Variants in SFXN5 observed in about 807,000 individuals in gnomAD.
SFXN5 encodes the protein sideroflexin-5.
SFXN5 carries 43 observed loss-of-function variants against 50.2 expected under a neutral mutation model. The observed-to-expected ratio is 0.86, with a 90% confidence interval of 0.67 to 1.11. The LOEUF is 1.11. Ranked by LOEUF, SFXN5 falls within the 50% of genes least tolerant of loss-of-function variation. SFXN5 has a pLI of 0.00. For synonymous variants in SFXN5, 203 were observed against 185.8 expected, an observed-to-expected ratio of 1.09 and a Z score of -0.75; for missense variants, 463 against 454.1, an observed-to-expected ratio of 1.02 and a Z score of -0.18.
At chr2:73,041,647 A>G (rs183401326) in intron 2 of SFXN5, 16 of 424,336 alleles carry the variant, frequency 3.8e-5, no homozygotes, top group African/African-American at 2.7e-4. Flanking sequence ...CCTGGGGGAC[A>G]GTGCAAGACT....
At chr2:73,024,289 T>A (rs2105846174) in intron 3 of SFXN5, among the ~76,000 whole-genome samples, 1 of 152,278 alleles carries the variant, frequency 6.6e-6, no homozygotes, top group South Asian at 2.1e-4. Context: ...CCCAAGGTGC[T>A]GAGATTACAG....
intron 10 of SFXN5, among the ~76,000 whole-genome samples, chr2:72,979,978 T>C (rs1424714979): frequency 6.6e-6 from 1 of 152,178 alleles, no homozygotes; most frequent in Non-Finnish European, 1.5e-5. Context: ...AATAGAGCCA[T>C]TTTCATTAAA....
intron 1 of SFXN5, 43 bp from the exon 2 acceptor site, chr2:73,058,639 T>G: frequency 1.3e-6 from 2 of 1,576,208 alleles, no homozygotes; most frequent in Non-Finnish European, 1.7e-6. Context: ...GATCAGCTGC[T>G]GCACACCCTT....
intron 11 of SFXN5, among the ~76,000 whole-genome samples, chr2:72,969,964 AGCC>A: frequency 6.6e-6 from 1 of 152,078 alleles, no homozygotes; most frequent in Non-Finnish European, 1.5e-5. Context: ...AAGTTCCTTT[AGCC>A]CCACGAGCTT....
chr2:72,964,755 C>T (rs1674170179), intron 12 of SFXN5, among the ~76,000 whole-genome samples: 2 of 152,220 alleles, frequency 1.3e-5, no homozygotes, highest in African/African-American at 4.8e-5. Flanking sequence ...CAGGGAAGGA[C>T]CAGTGAAACA....
In SFXN5 at chr2:72,960,732, G is replaced by A. The variant is rs1054389265; in HGVS notation, c.945+399C>T. ...ACTTTGGTCAGCTCTTGGACATGGCGTGTGCTGCCTCACCTCTCAGAACCT... is the reference window on the plus strand; with the variant it reads ...ACTTTGGTCAGCTCTTGGACATGGCATGTGCTGCCTCACCTCTCAGAACCT... On this transcript the variant is annotated intron_variant, in intron 13 of 13. Coordinates refer to ENST00000272433, the MANE Select transcript of SFXN5 (RefSeq NM_144579.3). The surrounding 1 kb of genome is among the most constrained non-coding windows in gnomAD (Gnocchi z 6.1). 6.6e-6 allele frequency among the ~76,000 whole-genome samples: 1 copy of A among 152,110 alleles called. No homozygotes were observed. The highest frequency in any genetic ancestry group is 2.4e-5 in the African/African-American group (1 of 41,434).
rs886606851 is a variant in SFXN5, at chr2:72,950,036, T to C, written c.946-4937A>G. On this transcript the variant is annotated intron_variant, in intron 13 of 13. Coordinates refer to ENST00000272433, the MANE Select transcript of SFXN5 (RefSeq NM_144579.3). This position sits in a 1 kb window ranked among gnomAD's most constrained non-coding sequence, Gnocchi z 4.2. ...GCAGATGGGTCCAGGGCTCTGGAGC[T>C]CTGGGCAGGAGAAAGCGCCCGGGAT... Among the ~76,000 whole-genome samples the C allele has an allele frequency of 2.0e-5, 3 of 151,752 alleles. No individual in the cohort carries two copies. The highest frequency in any genetic ancestry group is 2.0e-4 in the Admixed American group (3 of 15,258).
chr2:72,988,171 G>C, intron 10 of SFXN5, 87 bp downstream of exon 10: 1 of 1,227,992 alleles, frequency 8.1e-7, no homozygotes, highest in Non-Finnish European at 1.2e-6. Context: ...ATCAGGAGAG[G>C]TGTGGAAGGG....
intron 10 of SFXN5, among the ~76,000 whole-genome samples, chr2:72,987,531 G>A (rs550827934): frequency 2.7e-4 from 41 of 152,112 alleles, no homozygotes; most frequent in Non-Finnish European, 4.9e-4. Flanking sequence ...GGTGAGGCAG[G>A]TGGATCATGA....
At chr2:72,966,772 C>T (rs573244264) in intron 12 of SFXN5, among the ~76,000 whole-genome samples, 4 of 152,352 alleles carry the variant, frequency 2.6e-5, no homozygotes, top group Non-Finnish European at 1.5e-5. Flanking sequence ...CAGCCCCTCT[C>T]TGGGTACCAG....
intron 10 of SFXN5, among the ~76,000 whole-genome samples, chr2:72,978,131 T>C (rs900432187): frequency 5.9e-5 from 9 of 151,910 alleles, no homozygotes; most frequent in African/African-American, 1.2e-4. Flanking sequence ...GTGGATGGTA[T>C]GAAATAAGGA....
At chr2:73,054,832 G>A (rs1201845568) in intron 2 of SFXN5, among the ~76,000 whole-genome samples, 1 of 152,192 alleles carries the variant, frequency 6.6e-6, no homozygotes, top group Non-Finnish European at 1.5e-5. Context: ...CACACATTAG[G>A]TGGGCTAGAT....
intron 3 of SFXN5, among the ~76,000 whole-genome samples, chr2:73,039,903 C>CA (rs1358823427): frequency 6.6e-6 from 1 of 151,778 alleles, no homozygotes; most frequent in East Asian, 1.9e-4. Flanking sequence ...CTCCATTTCC[C>CA]AGGTTCAAGC....
chr2:72,996,839 T>A (rs1291850410), intron 9 of SFXN5: 1 of 152,210 alleles, frequency 6.6e-6, no homozygotes, highest in East Asian at 1.9e-4. Flanking sequence ...CTTCCCTATG[T>A]AGCCTCCTCC....
rs536034670 is a variant in SFXN5 at position 73,041,439 on chromosome 2, C to G, written c.172-508G>C. 3.3e-5 allele frequency among the ~76,000 whole-genome samples: 5 copies of G among 152,216 alleles called. 1 individual carries two copies. Among genetic ancestry groups the G allele is most frequent in the African/African-American group, 1.2e-4 (5 of 41,538 alleles). ...AGGCGCGGTGGCTCACACCTGTAAT[C>G]CCAGCACTTTTGGAGGCTGAGGCGG... On this transcript the variant is annotated intron_variant, in intron 2 of 13. Transcript: ENST00000272433.
chr2:73,060,476 GA>G (rs1682669640), intron 1 of SFXN5, among the ~76,000 whole-genome samples: 2 of 152,116 alleles, frequency 1.3e-5, no homozygotes, highest in Admixed American at 6.5e-5. Context: ...GACAAAGAAA[GA>G]GTGGGAATGA....
intron 9 of SFXN5, among the ~76,000 whole-genome samples, chr2:72,993,276 T>A (rs895199598): frequency 6.6e-6 from 1 of 152,126 alleles, no homozygotes; most frequent in African/African-American, 2.4e-5. Context: ...GCACACTTAG[T>A]AGCACACATT....
Position 72,992,288 on chromosome 2 carries a change from C to G in SFXN5, c.535-3940G>C, listed in dbSNP as rs948421593. Among the ~76,000 whole-genome samples, 5 of 152,126 alleles carry G rather than the reference C, an allele frequency of 3.3e-5. No homozygotes were observed. The highest frequency in any genetic ancestry group is 1.2e-4 in the African/African-American group (5 of 41,428). The stretch of plus-strand genomic sequence containing the variant: ...GGGTGGGGTGGGAGCTTCATGACAC[C>G]AAATCTTTAGTGTCATGAGCTACAC... On this transcript the variant is annotated intron_variant, in intron 9 of 13. Coordinates refer to ENST00000272433, the MANE Select transcript of SFXN5 (RefSeq NM_144579.3). The surrounding 1 kb of genome is among the most constrained non-coding windows in gnomAD (Gnocchi z 4.5).
chr2:72,980,526 A>C (rs1167884354), intron 10 of SFXN5, among the ~76,000 whole-genome samples: 1 of 152,158 alleles, frequency 6.6e-6, no homozygotes, highest in African/African-American at 2.4e-5. Flanking sequence ...ATTTTCTCTT[A>C]AGTAGCTTGA....
Sources: allele counts gnomAD v4.1 joint callset (sites outside exome capture counted in the v4.1 genomes callset), GRCh38; gene constraint gnomAD v4.1.1; non-coding constraint Gnocchi (gnomAD v3.1); transcripts MANE v1.5; gene names NCBI Gene and HGNC (gene_info 2026-07-23, HGNC 2026-07-21).